The following ZNF318 variants were observed in gnomAD, a reference collection of about 807,000 sequenced individuals.
ZNF318 encodes endocrine regulator.
ZNF318 carries 51 observed loss-of-function variants against 124.2 expected under a neutral mutation model. The ratio of observed to expected loss-of-function variants is 0.41; its 90% CI spans 0.33 to 0.52. ZNF318 has a LOEUF of 0.52. Ranked by LOEUF, ZNF318 falls within the 20% of genes least tolerant of loss-of-function variation. ZNF318 has a pLI of 0.23. For synonymous variants in ZNF318, 1,090 were observed against 1,040.7 expected, an observed-to-expected ratio of 1.05 and a Z score of -0.91; for missense variants, 2,815 against 2,811.2, an observed-to-expected ratio of 1.00 and a Z score of -0.03.
chr6:43,344,468 G>A (rs1779412299), intron 6 of ZNF318, among the ~76,000 whole-genome samples: 1 of 152,170 alleles, frequency 6.6e-6, no homozygotes, highest in South Asian at 2.1e-4. Context: ...TTATAGAAGT[G>A]TATTTACTGA....
In ZNF318 at chr6:43,349,683, G is replaced by C. The variant is rs555651742; in HGVS notation, c.2771-1058C>G. 6.6e-5 allele frequency among the ~76,000 whole-genome samples: 10 copies of C among 152,234 alleles called. No individual in the cohort carries two copies. In the South Asian group the frequency reaches 2.1e-3, roughly 32 times the overall value. On this transcript the variant is annotated intron_variant, in intron 5 of 9. Coordinates refer to ENST00000361428, the MANE Select transcript of ZNF318 (RefSeq NM_014345.3). ...TGTTCTTTCATACTATCAGTATTTA[G>C]GAGCCTTGTTATGTTCTTTTCCTCA... is the stretch of plus-strand genomic sequence containing the variant.
Position 43,348,632 on chromosome 6 carries a change from A to C in ZNF318, c.2771-7T>G. 6.2e-7 allele frequency: 1 copy of C among 1,606,494 alleles called. No individual in the cohort carries two copies. The highest frequency in any genetic ancestry group is 8.5e-7 in the Non-Finnish European group (1 of 1,176,038). Reference sequence around the variant, plus strand: ...TTCTTGCGCAGCATTTCTCCTGAGCAATCAAATGTCAACAAAAAGAAGCAC... The same window carrying C: ...TTCTTGCGCAGCATTTCTCCTGAGCCATCAAATGTCAACAAAAAGAAGCAC... On this transcript the variant is annotated splice_region_variant and splice_polypyrimidine_tract_variant and intron_variant, in intron 5 of 9. Coordinates refer to ENST00000361428, the MANE Select transcript of ZNF318 (RefSeq NM_014345.3).
chr6:43,354,522 C>T (rs1430040358), intron 4 of ZNF318, 142 bp downstream of exon 4: 4 of 723,524 alleles, frequency 5.5e-6, no homozygotes, highest in Non-Finnish European at 9.1e-6. Flanking sequence ...GAACAATATA[C>T]ACTTCTTAGG....
Position 43,352,389 on chromosome 6 carries a change from G to T in ZNF318, c.2758C>A (p.His920Asn). 6.2e-7 allele frequency: 1 copy of T among 1,614,058 alleles called. No homozygotes were observed. Among genetic ancestry groups the T allele is most frequent in the Non-Finnish European group, 8.5e-7 (1 of 1,179,956 alleles). ...AAGCAGCTGATACCTTGTTGTTTAT[G>T]AAGCCGCTCTAACTCGGTCCTAAGA... Reference protein sequence around the residue: ...YYLRTELERLHKQQGEMLRKK... With the variant: ...YYLRTELERLNKQQGEMLRKK... Residue 920 changes from histidine to asparagine, a missense_variant, in exon 5 of 10, where the codon CAT becomes AAT. By Grantham distance (68) the His-to-Asn change is moderately conservative. Around this residue, in one of 4 missense-constraint regions of ZNF318, gnomAD observed 1,377 missense variants for 1,353.5 expected, o/e 1.02. Coordinates refer to ENST00000361428, the MANE Select transcript of ZNF318 (RefSeq NM_014345.3).
chr6:43,352,262 C>CTATTATTGCAACTTTTTT, intron 5 of ZNF318, 115 bp downstream of exon 5: 6 of 781,674 alleles, frequency 7.7e-6, no homozygotes, highest in African/African-American at 1.7e-5. Flanking sequence ...AGTTTAATTA[C>CTATTATTGCAACTTTTTT]GTCAAAAAAA....
At chr6:43,366,885 T>C (rs1779769002) in intron 1 of ZNF318, among the ~76,000 whole-genome samples, 1 of 152,130 alleles carries the variant, frequency 6.6e-6, no homozygotes. Context: ...AGACTTGCTC[T>C]GTCGTCCCCA....
At position 43,338,716 on chromosome 6, in the gene ZNF318, C is replaced by A. The variant is rs1235573736; in HGVS notation, c.5282G>T (p.Ser1761Ile). The A allele has an allele frequency of 1.9e-6, 3 of 1,614,190 alleles. No individual in the cohort carries two copies. The South Asian group carries it at 3.3e-5, about 18-fold the overall frequency. Residue 1761 changes from serine to isoleucine, a missense_variant, in exon 10 of 10, where the codon AGC becomes ATC. Physicochemically the swap from Ser to Ile is moderately radical, Grantham distance 142 (BLOSUM62 -2). This residue lies in a region of ZNF318 where 927 missense variants were observed against 820.6 expected (regional missense o/e 1.13). Coordinates refer to ENST00000361428, the MANE Select transcript of ZNF318 (RefSeq NM_014345.3). ...LRESVNQDKE[S>I]QELRKSEDCR... is the part of the protein sequence containing the mutation. ...ATCCTCAGATTTACGGAGCTCTTGG[C>A]TTTCCTTATCCTGGTTAACAGATTC...
intron 8 of ZNF318, among the ~76,000 whole-genome samples, chr6:43,341,409 T>C (rs1779371929): frequency 6.6e-6 from 1 of 152,016 alleles, no homozygotes; most frequent in African/African-American, 2.4e-5. Context: ...TCCCAGCACT[T>C]TGGGAGGCAG....
chr6:43,344,745 T>G (rs532050980), intron 6 of ZNF318, among the ~76,000 whole-genome samples: 1 of 152,164 alleles, frequency 6.6e-6, no homozygotes, highest in African/African-American at 2.4e-5. Context: ...TCTAGACCAG[T>G]TCCTGACACT....
rs144311647 is a variant in ZNF318 at position 43,337,633 on chromosome 6, C to G, written c.6365G>C (p.Gly2122Ala). 1.2e-6 allele frequency: 2 copies of G among 1,614,064 alleles called. No homozygotes were observed. The highest frequency in any genetic ancestry group is 1.7e-6 in the Non-Finnish European group (2 of 1,180,018). The change falls in exon 10 of 10, where the codon GGA becomes GCA. Residue 2122 changes from glycine (G) to alanine (A), a missense_variant. This residue lies in a region of ZNF318 where 927 missense variants were observed against 820.6 expected (regional missense o/e 1.13). Transcript: ENST00000361428. ...NVDRGLGGLE[G>A]THQALDLLAG... ...TAACAGGTCAAGGGCCTGGTGTGTT[C>G]CCTCTAGGCCCCCCAAGCCACGGTC... is the stretch of plus-strand genomic sequence containing the variant.
intron 2 of ZNF318, chr6:43,363,938 A>G: frequency 4.5e-6 from 3 of 673,182 alleles, no homozygotes; most frequent in Non-Finnish European, 8.0e-6. Context: ...AACAAGATCC[A>G]CAAGCCCCAC....
intron 2 of ZNF318, among the ~76,000 whole-genome samples, chr6:43,359,374 A>G (rs1204770234): frequency 1.3e-5 from 2 of 152,236 alleles, no homozygotes; most frequent in Admixed American, 6.5e-5. Flanking sequence ...TACCACACCC[A>G]ATAATGCTAA....
rs747117249 is a variant in ZNF318, at chr6:43,355,912, T to A, written c.1422A>T (p.Leu474=). ...TCAAATCCAAATTATCCTTGTGGCA[T>A]AGAAAACTTCCAAATTTTTCTCTGA... ...SPLREKFGSF[L]CHKDNLDLKA... The change falls in exon 4 of 10, where the codon CTA becomes CTT. Residue 474 remains leucine (L), a synonymous_variant. Coordinates refer to ENST00000361428, the MANE Select transcript of ZNF318 (RefSeq NM_014345.3). 1 of 1,614,114 alleles carries A rather than the reference T, an allele frequency of 6.2e-7. No homozygotes were observed. The highest frequency in any genetic ancestry group is 1.7e-5 in the Admixed American group (1 of 60,006).
chr6:43,363,396 A>AT (rs1229808941), intron 2 of ZNF318: 1 of 168,116 alleles, frequency 5.9e-6, no homozygotes, highest in Non-Finnish European at 1.3e-5. Context: ...GTTATATGAC[A>AT]TAAGACTATT....
Position 43,369,159 on chromosome 6 carries a change from C to A in ZNF318, c.207G>T (p.Ser69=), listed in dbSNP as rs1779801630. Residue 69 remains serine (S), a synonymous_variant, in exon 1 of 10, where the codon TCG becomes TCT. Coordinates refer to ENST00000361428, the MANE Select transcript of ZNF318 (RefSeq NM_014345.3). ...CGCGACGACCCCGTGGCGGGGACGGCGAGGCCCGGCGGCCGCGGTGCCCTG... is the reference window on the plus strand; with the variant it reads ...CGCGACGACCCCGTGGCGGGGACGGAGAGGCCCGGCGGCCGCGGTGCCCTG... ...SPSGHRGRRA[S]PSPPRGRRVS... 1.3e-5 allele frequency: 16 copies of A among 1,212,852 alleles called. No individual in the cohort carries two copies. The highest frequency in any genetic ancestry group is 1.6e-5 in the Non-Finnish European group (16 of 976,230). The allele number at this position is 1,212,852 out of a possible 1,614,324, so 75.1% of individuals were successfully genotyped here.
At chr6:43,363,578 A>C in intron 2 of ZNF318, 1 of 314,388 alleles carries the variant, frequency 3.2e-6, no homozygotes, top group Non-Finnish European at 5.8e-6. Context: ...CGTGGAGGCA[A>C]GGCCAAGGAT....
chr6:43,365,849 A>G (rs1397665625), intron 1 of ZNF318, among the ~76,000 whole-genome samples: 1 of 152,204 alleles, frequency 6.6e-6, no homozygotes, highest in Non-Finnish European at 1.5e-5. Context: ...GTAAGACACT[A>G]TACCAAAAAT....
intron 6 of ZNF318, among the ~76,000 whole-genome samples, chr6:43,345,864 T>G (rs1300218143): frequency 1.3e-5 from 2 of 152,148 alleles, no homozygotes; most frequent in Non-Finnish European, 2.9e-5. Flanking sequence ...ACTAGCACTT[T>G]GGGAGGCTGA....
chr6:43,369,396 T>C lies in ZNF318; in HGVS notation c.-31A>G. ...TTGCAGCGGCGGCCACGGCGACAGC[T>C]CTGACCCGGGGGCGCCCTAGACGCA... On this transcript the variant is annotated 5_prime_UTR_variant, in exon 1 of 10. Coordinates refer to ENST00000361428, the MANE Select transcript of ZNF318 (RefSeq NM_014345.3). The C allele has an allele frequency of 1.7e-6, 2 of 1,201,276 alleles. No individual in the cohort carries two copies. The highest frequency in any genetic ancestry group is 2.1e-6 in the Non-Finnish European group (2 of 966,294). 74.4% of individuals were successfully genotyped at this position (1,201,276 alleles called of 1,614,324 possible). A position where few individuals can be genotyped will look rare whatever the true frequency, so the allele number is the denominator to read the frequency against.
Sources: gnomAD v4.1 joint callset for allele counts (sites outside exome capture counted in the v4.1 genomes callset) on GRCh38, gnomAD v4.1.1 for gene constraint, gnomAD v4.1.1 regional missense constraint, MANE v1.5 for transcripts, NCBI Gene and HGNC (gene_info 2026-07-23, HGNC 2026-07-21) for gene names.